The following ELMO1 variants were observed in gnomAD, a reference collection of about 807,000 sequenced individuals.
ELMO1 encodes the protein engulfment and cell motility protein 1.
Under a neutral mutation model 98.9 loss-of-function variants are expected in ELMO1, and 26 were observed. The ratio of observed to expected loss-of-function variants is 0.26; its 90% CI spans 0.19 to 0.36. The LOEUF (loss-of-function observed/expected upper bound fraction) is 0.36. Ranked by LOEUF, ELMO1 falls within the 10% of genes least tolerant of loss-of-function variation. The probability of loss-of-function intolerance (pLI) is 1.00; values close to 1 mark genes in which losing one functional copy is unlikely to be tolerated. For synonymous variants in ELMO1, 346 were observed against 346.0 expected (o/e 1.00, Z 0.00); for missense variants, 627 against 935.2 (o/e 0.67, Z 4.30).
chr7:37,371,636 T>C (rs1583640917), intron 1 of ELMO1, among the ~76,000 whole-genome samples: 2 of 152,224 alleles, frequency 1.3e-5, no homozygotes, highest in East Asian at 1.9e-4. Context: ...ATCTAGGATC[T>C]GCTAACGAAC....
At position 37,188,801 on chromosome 7, in the gene ELMO1, G is replaced by A. The variant is rs551688456; in HGVS notation, c.1086+22585C>T. Among the ~76,000 whole-genome samples the A allele has an allele frequency of 7.9e-5, 12 of 152,162 alleles. No individual in the cohort carries two copies. In the East Asian group the frequency reaches 2.3e-3, roughly 29 times the overall value. On this transcript the variant is annotated intron_variant, in intron 13 of 21. Transcript: ENST00000310758. ...ACCACTAAATCTTGCTGGGGTTTAG[G>A]GTATGAAATGCCTGGATGTGTCCCC...
intron 4 of ELMO1, among the ~76,000 whole-genome samples, chr7:37,294,999 CAAA>C (rs58126730): frequency 3.4e-4 from 44 of 129,644 alleles, no homozygotes; most frequent in African/African-American, 4.6e-4. Flanking sequence ...AACTCCGCCT[CAAA>C]AAAAAAAAAA....
chr7:37,214,376 C>T (rs1584819402), intron 11 of ELMO1, among the ~76,000 whole-genome samples: 1 of 152,190 alleles, frequency 6.6e-6, no homozygotes, highest in South Asian at 2.1e-4. Context: ...CCTGGGTAGA[C>T]AGACTGCTGC....
intron 2 of ELMO1, among the ~76,000 whole-genome samples, chr7:37,327,885 C>T (rs73112654): frequency 9.3e-4 from 141 of 152,326 alleles, no homozygotes; most frequent in Non-Finnish European, 1.5e-3. Context: ...ATGACAATCT[C>T]ACATTCTTCA....
chr7:36,974,842 C>G (rs555708014), intron 16 of ELMO1, among the ~76,000 whole-genome samples: 1 of 152,112 alleles, frequency 6.6e-6, no homozygotes, highest in African/African-American at 2.4e-5. Context: ...CTGAAGCCAG[C>G]GAGACCATGA....
chr7:36,942,792 A>T (rs1728446372), intron 16 of ELMO1, among the ~76,000 whole-genome samples: 3 of 151,950 alleles, frequency 2.0e-5, no homozygotes, highest in African/African-American at 7.3e-5. Context: ...TAGGCTCTGT[A>T]AAAAATCTAC....
At chr7:36,981,964 G>A (rs1791088495) in intron 16 of ELMO1, among the ~76,000 whole-genome samples, 1 of 152,222 alleles carries the variant, frequency 6.6e-6, no homozygotes. Context: ...TACTGGCCTA[G>A]TGTGCAAGGA....
chr7:37,139,745 G>C (rs926555695), intron 13 of ELMO1, among the ~76,000 whole-genome samples: 14 of 151,982 alleles, frequency 9.2e-5, no homozygotes, highest in Admixed American at 5.9e-4. Context: ...CCAAAAAAGA[G>C]CCCACAGAGC....
intron 7 of ELMO1, among the ~76,000 whole-genome samples, chr7:37,233,915 T>C (rs969504591): frequency 5.3e-5 from 8 of 152,204 alleles, no homozygotes; most frequent in African/African-American, 1.7e-4. Flanking sequence ...CAGTAGGCTA[T>C]AAGGTGGGTC....
At chr7:37,294,344 G>A (rs1312315445) in intron 4 of ELMO1, among the ~76,000 whole-genome samples, 2 of 140,366 alleles carry the variant, frequency 1.4e-5, no homozygotes, top group African/African-American at 5.1e-5. Flanking sequence ...GTGACTGAGC[G>A]AGAAGCCATT....
At chr7:37,074,221 ATATAG>A (rs1250342450) in intron 15 of ELMO1, among the ~76,000 whole-genome samples, 1 of 148,920 alleles carries the variant, frequency 6.7e-6, no homozygotes, top group African/African-American at 2.4e-5. Context: ...GGGTATAAAT[ATATAG>A]TATAATTTAA....
chr7:37,233,338 T>C, intron 7 of ELMO1, 144 bp from the exon 8 acceptor site: 1 of 670,644 alleles, frequency 1.5e-6, no homozygotes, highest in Non-Finnish European at 2.5e-6. Flanking sequence ...ACTTCTTCAC[T>C]AACATGAGTG....
intron 16 of ELMO1, among the ~76,000 whole-genome samples, chr7:36,913,387 T>C (rs1562819032): frequency 1.3e-5 from 2 of 152,192 alleles, no homozygotes; most frequent in Non-Finnish European, 2.9e-5. Context: ...GGAAATTACA[T>C]AGAGCTTGTA....
At chr7:37,003,783 T>C (rs1792852709) in intron 16 of ELMO1, among the ~76,000 whole-genome samples, 1 of 152,242 alleles carries the variant, frequency 6.6e-6, no homozygotes, top group South Asian at 2.1e-4. Flanking sequence ...GAAATCTCAC[T>C]TAGGATCTCC....
At chr7:37,043,208 G>A (rs1795620707) in intron 15 of ELMO1, among the ~76,000 whole-genome samples, 1 of 152,134 alleles carries the variant, frequency 6.6e-6, no homozygotes, top group Admixed American at 6.5e-5. Context: ...GCAAGAGTGG[G>A]CAATAGAACT....
intron 16 of ELMO1, among the ~76,000 whole-genome samples, chr7:37,008,944 G>A (rs887324578): frequency 1.3e-5 from 2 of 152,132 alleles, no homozygotes; most frequent in African/African-American, 2.4e-5. Context: ...TCTGTGGTGC[G>A]GTTGGCCGGT....
intron 15 of ELMO1, among the ~76,000 whole-genome samples, chr7:37,028,920 T>C (rs1794730458): frequency 6.6e-6 from 1 of 152,226 alleles, no homozygotes; most frequent in African/African-American, 2.4e-5. Flanking sequence ...ATTTATATAG[T>C]GCTTAATATA....
At chr7:37,172,252 T>C (rs73123144) in intron 13 of ELMO1, among the ~76,000 whole-genome samples, 649 of 152,160 alleles carry the variant, frequency 4.3e-3, no homozygotes, top group Non-Finnish European at 7.3e-3. Flanking sequence ...AAAATCGCTG[T>C]TCTCAGAAAT....
At chr7:37,441,024 G>C (rs768196099) in intron 1 of ELMO1, among the ~76,000 whole-genome samples, 4 of 151,858 alleles carry the variant, frequency 2.6e-5, no homozygotes, top group Non-Finnish European at 5.9e-5. Context: ...TTTTGAAATG[G>C]ATTACTCTTC....
Sources: gnomAD v4.1 joint callset for allele counts (sites outside exome capture counted in the v4.1 genomes callset) on GRCh38, gnomAD v4.1.1 for gene constraint, MANE v1.5 for transcripts, NCBI Gene and HGNC (gene_info 2026-07-23, HGNC 2026-07-21) for gene names.